GTF2IRD1: variants seen among roughly 807,000 people sequenced by gnomAD.
GTF2IRD1 encodes GTF2I repeat domain containing 1.
In GTF2IRD1, 26 loss-of-function variants were observed where a neutral mutation model predicts 113.2. The ratio of observed to expected loss-of-function variants is 0.23; its 90% confidence interval spans 0.17 to 0.32. The LOEUF (loss-of-function observed/expected upper bound fraction) is 0.32, where lower values mean the gene tolerates loss of function less well. Among genes scored for constraint, GTF2IRD1 ranks in the 10% least tolerant of loss-of-function variants. The pLI, the probability that GTF2IRD1 is intolerant of heterozygous loss-of-function variation, is 1.00. For missense variants in GTF2IRD1, 864 were observed against 1,280.8 expected (o/e 0.67, Z 4.97); for synonymous variants, 484 against 529.1 (o/e 0.91, Z 1.17).
rs1554350112 is a variant in GTF2IRD1 at position 74,536,151 on chromosome 7, C to T, written c.1301-16C>T. 1 of 1,579,378 alleles carries T rather than the reference C, an allele frequency of 6.3e-7. No individual in the cohort carries two copies. The highest frequency in any genetic ancestry group is 1.3e-5 in the African/African-American group (1 of 74,308). On this transcript the variant is annotated splice_polypyrimidine_tract_variant and intron_variant, in intron 10 of 26. Coordinates refer to ENST00000424337, the MANE Select transcript of GTF2IRD1 (RefSeq NM_005685.4). ...CCAGAGGGCCTTCACCCTGACCTCCCTGACTCTCCCCACAGGGAACAAGTT... is the reference window on the plus strand; with the variant it reads ...CCAGAGGGCCTTCACCCTGACCTCCTTGACTCTCCCCACAGGGAACAAGTT...
chr7:74,513,003 C>G, intron 3 of GTF2IRD1, 32 bp downstream of exon 3: 1 of 1,606,000 alleles, frequency 6.2e-7, no homozygotes, highest in Non-Finnish European at 8.5e-7. Flanking sequence ...AGGGCCGGGC[C>G]CGCCATTTCC....
At chr7:74,551,557 G>T (rs1217845845) in intron 17 of GTF2IRD1, among the ~76,000 whole-genome samples, 1 of 152,128 alleles carries the variant, frequency 6.6e-6, no homozygotes, top group Non-Finnish European at 1.5e-5. Flanking sequence ...AGAGTGAGGG[G>T]GAGAGAGGGA....
At chr7:74,517,827 C>T (rs1211059376) in intron 4 of GTF2IRD1, among the ~76,000 whole-genome samples, 6 of 139,712 alleles carry the variant, frequency 4.3e-5, no homozygotes, top group Non-Finnish European at 9.2e-5. Context: ...TCCTCTGGGC[C>T]CTTGAGTCCC....
At chr7:74,531,257 G>C (rs1219514334) in intron 9 of GTF2IRD1, among the ~76,000 whole-genome samples, 1 of 151,696 alleles carries the variant, frequency 6.6e-6, no homozygotes, top group Non-Finnish European at 1.5e-5. Flanking sequence ...TGTAGTCCCA[G>C]CTACTCGGGA....
At chr7:74,456,085 G>GCTAGGCAGCCT (rs1211086284) in intron 1 of GTF2IRD1, among the ~76,000 whole-genome samples, 1 of 152,202 alleles carries the variant, frequency 6.6e-6, no homozygotes, top group Non-Finnish European at 1.5e-5. Flanking sequence ...CCTCCCAGGA[G>GCTAGGCAGCCT]CCCGGCTAGC....
At chr7:74,560,077 G>A (rs1374157947) in intron 22 of GTF2IRD1, among the ~76,000 whole-genome samples, 21 of 152,220 alleles carry the variant, frequency 1.4e-4, no homozygotes, top group African/African-American at 4.1e-4. Flanking sequence ...CACTGCGCCC[G>A]GCCTAGGCCT....
chr7:74,590,914 G>C lies in GTF2IRD1; in HGVS notation c.2488G>C (p.Asp830His). The stretch of plus-strand genomic sequence containing the variant: ...CGCCGTGGAGGTCACGGGTCTGCCT[G>C]ATGACATCCCCTTCCGGAACCCCAA... Reference protein sequence around the residue: ...PDAVEVTGLPDDIPFRNPNTY... With the variant: ...PDAVEVTGLPHDIPFRNPNTY... Residue 830 changes from aspartate (D) to histidine (H), a missense_variant, in exon 24 of 27, where the codon GAT becomes CAT. By Grantham distance (81) the Asp-to-His change is moderately conservative. Around this residue, in one of 7 missense-constraint regions of GTF2IRD1, gnomAD observed 195 missense variants for 359.1 expected, o/e 0.54. Coordinates refer to ENST00000424337, the MANE Select transcript of GTF2IRD1 (RefSeq NM_005685.4). 6.2e-7 allele frequency: 1 copy of C among 1,613,578 alleles called. No homozygotes were observed. Among genetic ancestry groups the C allele is most frequent in the Non-Finnish European group, 8.5e-7 (1 of 1,179,676 alleles).
At chr7:74,583,371 C>CTTTTTTTTTTTTTTTTTTTTTTTT (rs1168890388) in intron 22 of GTF2IRD1, among the ~76,000 whole-genome samples, 1 of 122,308 alleles carries the variant, frequency 8.2e-6, no homozygotes. Context: ...CTTTTTTTTT[C>CTTTTTTTTTTTTTTTTTTTTTTTT]TTTTTTTTTT....
At chr7:74,594,622 T>G (rs2088454149) in intron 24 of GTF2IRD1, among the ~76,000 whole-genome samples, 4 of 152,032 alleles carry the variant, frequency 2.6e-5, no homozygotes, top group Admixed American at 6.6e-5. Context: ...CAGCAGCATA[T>G]CTCAGGGAGC....
chr7:74,481,760 C>T (rs1269910686), intron 1 of GTF2IRD1, among the ~76,000 whole-genome samples: 1 of 152,172 alleles, frequency 6.6e-6, no homozygotes, highest in Non-Finnish European at 1.5e-5. Context: ...GGGGAAACAT[C>T]TTTGCATGTA....
At chr7:74,537,441 G>A (rs1448400802) in intron 11 of GTF2IRD1, among the ~76,000 whole-genome samples, 4 of 151,746 alleles carry the variant, frequency 2.6e-5, no homozygotes, top group Non-Finnish European at 5.9e-5. Context: ...AAACATGGAT[G>A]CATGTATACA....
At chr7:74,536,009 C>T (rs1798270523) in intron 10 of GTF2IRD1, among the ~76,000 whole-genome samples, 158 bp from the exon 11 acceptor site, 1 of 152,202 alleles carries the variant, frequency 6.6e-6, no homozygotes, top group Admixed American at 6.5e-5. Flanking sequence ...AGGACCCGTT[C>T]CTGGCTGTTG....
chr7:74,547,755 C>CTT lies in GTF2IRD1; in HGVS notation c.1916+490_1916+491dup, dbSNP rs587743253. 6.7e-3 allele frequency among the ~76,000 whole-genome samples: 768 copies of CTT among 114,182 alleles called. 11 individuals are homozygous for CTT. The highest frequency in any genetic ancestry group is 0.02 in the African/African-American group (597 of 29,706). 74.9% of individuals were successfully genotyped at this position (114,182 alleles called of 152,430 possible). ...CACCAGGCCTTTCTTTTCTCTCTCT[C>CTT]TTTTTTTTTTTTTTTTTTTTTTGAC... On this transcript the variant is annotated intron_variant, in intron 17 of 26. Coordinates refer to ENST00000424337, the MANE Select transcript of GTF2IRD1 (RefSeq NM_005685.4).
Position 74,521,995 on chromosome 7 carries a change from G to T in GTF2IRD1, c.1006+698G>T, listed in dbSNP as rs145592893. 3.2e-3 allele frequency among the ~76,000 whole-genome samples: 486 copies of T among 152,178 alleles called. 1 individual carries two copies. The highest frequency in any genetic ancestry group is 0.01 in the African/African-American group (428 of 41,528). Reference sequence around the variant, plus strand: ...TCTGAGCTCATTCACACGGCTGTTCGTAGGAGGCCTCAGTCCCCCACCATG... The same window carrying T: ...TCTGAGCTCATTCACACGGCTGTTCTTAGGAGGCCTCAGTCCCCCACCATG... On this transcript the variant is annotated intron_variant, in intron 7 of 26. Coordinates refer to ENST00000424337, the MANE Select transcript of GTF2IRD1 (RefSeq NM_005685.4).
At chr7:74,508,249 C>A in intron 2 of GTF2IRD1, 46 bp downstream of exon 2, 1 of 1,580,712 alleles carries the variant, frequency 6.3e-7, no homozygotes. Context: ...GGTGAGCGTC[C>A]CCACCTGCCT....
intron 1 of GTF2IRD1, among the ~76,000 whole-genome samples, chr7:74,493,638 C>G (rs931818849): frequency 6.6e-6 from 1 of 152,114 alleles, no homozygotes; most frequent in African/African-American, 2.4e-5. Flanking sequence ...TAGACAGGTT[C>G]TCCTGTGATA....
chr7:74,508,309 A>C (rs1796415855), intron 2 of GTF2IRD1, 106 bp downstream of exon 2: 2 of 1,252,506 alleles, frequency 1.6e-6, no homozygotes, highest in African/African-American at 3.0e-5. Flanking sequence ...CACTGACCTG[A>C]ACCTCAGTTT....
intron 4 of GTF2IRD1, among the ~76,000 whole-genome samples, chr7:74,517,523 G>A (rs587716437): frequency 2.9e-3 from 412 of 139,846 alleles, no homozygotes; most frequent in African/African-American, 9.9e-3. Context: ...GGGTTCAAGC[G>A]ATTCTCCTGC....
chr7:74,502,705 G>A (rs1179172557), intron 1 of GTF2IRD1, among the ~76,000 whole-genome samples: 3 of 152,212 alleles, frequency 2.0e-5, no homozygotes, highest in Non-Finnish European at 4.4e-5. Flanking sequence ...AGCTCTTGGC[G>A]GCCGGCAAAT....
Sources: gnomAD v4.1 joint callset for allele counts (sites outside exome capture counted in the v4.1 genomes callset) on GRCh38, gnomAD v4.1.1 for gene constraint, gnomAD v4.1.1 regional missense constraint, MANE v1.5 for transcripts, NCBI Gene and HGNC (gene_info 2026-07-23, HGNC 2026-07-21) for gene names.